FARS2: variants seen among roughly 807,000 people sequenced by gnomAD.
FARS2 encodes phenylalanine--tRNA ligase, mitochondrial.
A neutral mutation model predicts 46.4 loss-of-function variants in FARS2; 40 were observed. That is an observed-to-expected ratio of 0.86 (90% CI 0.67 to 1.12). The LOEUF is 1.12. Among genes scored for constraint, FARS2 ranks in the 50% most tolerant of loss-of-function variants. The pLI is 0.00. For synonymous variants in FARS2, 234 were observed against 214.9 expected, an observed-to-expected ratio of 1.09 and a Z score of -0.78; for missense variants, 513 against 567.9, an observed-to-expected ratio of 0.90 and a Z score of 0.98.
intron 6 of FARS2, among the ~76,000 whole-genome samples, chr6:5,617,538 C>T (rs1775540634): frequency 6.6e-6 from 1 of 152,234 alleles, no homozygotes; most frequent in Non-Finnish European, 1.5e-5. Context: ...TTTTTTAGCT[C>T]AGCAATTTTC....
intron 4 of FARS2, among the ~76,000 whole-genome samples, chr6:5,439,715 C>T (rs2326610): frequency 0.4 from 60,528 of 152,004 alleles, 12,716 homozygotes; most frequent in Non-Finnish European, 0.46. Flanking sequence ...GTATTGGCTC[C>T]ACTTGTCTAT....
At chr6:5,359,479 C>CAAAAG in intron 1 of FARS2, among the ~76,000 whole-genome samples, 1 of 152,296 alleles carries the variant, frequency 6.6e-6, no homozygotes, top group African/African-American at 2.4e-5. Flanking sequence ...GTAGCTATTA[C>CAAAAG]AAAAGAAGAC....
intron 6 of FARS2, among the ~76,000 whole-genome samples, chr6:5,673,920 ATGG>A (rs1223854278): frequency 6.6e-6 from 1 of 152,124 alleles, no homozygotes; most frequent in Admixed American, 6.5e-5. Flanking sequence ...TCCTCTCTGG[ATGG>A]TAGGTTTATG....
At chr6:5,657,629 T>G (rs573697124) in intron 6 of FARS2, among the ~76,000 whole-genome samples, 32 of 152,332 alleles carry the variant, frequency 2.1e-4, no homozygotes, top group African/African-American at 7.2e-4. Context: ...TCTTGGTTTA[T>G]AAGTGCTCCA....
chr6:5,687,391 G>A (rs1192994590), intron 6 of FARS2, among the ~76,000 whole-genome samples: 7 of 152,134 alleles, frequency 4.6e-5, no homozygotes, highest in African/African-American at 1.7e-4. Context: ...TGTAAGAAAG[G>A]GATCCAGTTT....
chr6:5,549,609 T>C (rs1177916795), intron 5 of FARS2, among the ~76,000 whole-genome samples: 1 of 152,220 alleles, frequency 6.6e-6, no homozygotes, highest in East Asian at 1.9e-4. Flanking sequence ...TATCAAGCCT[T>C]GCTGGGTAAT....
intron 5 of FARS2, among the ~76,000 whole-genome samples, chr6:5,603,442 C>T (rs991052224): frequency 1.3e-5 from 2 of 152,170 alleles, no homozygotes; most frequent in Non-Finnish European, 2.9e-5. Context: ...TTTAGTAGGG[C>T]GGTCATAAAC....
rs1766888382 is a variant in FARS2 at position 5,488,108 on chromosome 6, G to GTGCCCTGGAGTTCATCTTT, written c.904+56940_904+56958dup. ...TCCTTGGATAAATGTGTTTTCTCCT[G>GTGCCCTGGAGTTCATCTTT]TGCCCTGGAGTTCATCTTTTGCTTT... On this transcript the variant is annotated intron_variant, in intron 4 of 6. Transcript: ENST00000274680. 2.0e-5 allele frequency among the ~76,000 whole-genome samples: 3 copies of GTGCCCTGGAGTTCATCTTT among 152,248 alleles called. No individual in the cohort carries two copies. The East Asian group carries it at 5.8e-4, about 29-fold the overall frequency.
chr6:5,311,703 C>T lies in FARS2; in HGVS notation c.-22+50043C>T, dbSNP rs1005448652. Among the ~76,000 whole-genome samples the T allele has an allele frequency of 3.9e-5, 6 of 152,222 alleles. No individual in the cohort carries two copies. The highest frequency in any genetic ancestry group is 8.8e-5 in the Non-Finnish European group (6 of 68,014). Reference sequence around the variant, plus strand: ...TTTTTGACCTGGGTGTCTTATTTAGCTAAGACTAGGACCATGTGCTCTTTT... The same window carrying T: ...TTTTTGACCTGGGTGTCTTATTTAGTTAAGACTAGGACCATGTGCTCTTTT... On this transcript the variant is annotated intron_variant, in intron 1 of 6. Transcript: ENST00000274680. This position sits in a 1 kb window ranked among gnomAD's most constrained non-coding sequence, Gnocchi z 4.1.
intron 1 of FARS2, among the ~76,000 whole-genome samples, chr6:5,284,393 G>A (rs1766967672): frequency 6.6e-6 from 1 of 152,128 alleles, no homozygotes; most frequent in Non-Finnish European, 1.5e-5. Context: ...GGAGCTGATG[G>A]TATGCTGTTT....
the FARS2 span, among the ~76,000 whole-genome samples, chr6:5,251,828 T>C: frequency 1.3e-5 from 2 of 152,208 alleles, no homozygotes; most frequent in Non-Finnish European, 2.9e-5. Flanking sequence ...GGAAAACATG[T>C]GAAAGAAATC....
chr6:5,517,633 C>CATAT (rs1030179688), intron 4 of FARS2, among the ~76,000 whole-genome samples: 16 of 150,542 alleles, frequency 1.1e-4, no homozygotes, highest in African/African-American at 3.7e-4. Flanking sequence ...AAAGTATAGA[C>CATAT]ATATATATAC....
chr6:5,364,087 GTGTCAGTGAATGACTT>G (rs1758493758), intron 1 of FARS2, among the ~76,000 whole-genome samples: 1 of 152,140 alleles, frequency 6.6e-6, no homozygotes, highest in African/African-American at 2.4e-5. Context: ...TGAGTTCTCT[GTGTCAGTGAATGACTT>G]TATTAGTTCA....
chr6:5,544,164 C>T (rs1770808549), intron 4 of FARS2, among the ~76,000 whole-genome samples: 1 of 152,168 alleles, frequency 6.6e-6, no homozygotes, highest in South Asian at 2.1e-4. Flanking sequence ...CTCTGAGCTC[C>T]TTTAGGACTT....
intron 1 of FARS2, among the ~76,000 whole-genome samples, chr6:5,365,288 C>G (rs1011447127): frequency 1.6e-5 from 2 of 125,648 alleles, no homozygotes; most frequent in African/African-American, 6.1e-5. Flanking sequence ...ACTTAACAAT[C>G]TTGGACCTTT....
intron 5 of FARS2, among the ~76,000 whole-genome samples, chr6:5,558,152 T>C (rs1486535060): frequency 2.6e-5 from 4 of 152,164 alleles, no homozygotes; most frequent in African/African-American, 4.8e-5. Context: ...AATGTAGTTT[T>C]TCTGTGTCGT....
chr6:5,325,663 G>A (rs1225041837), intron 1 of FARS2, among the ~76,000 whole-genome samples: 1 of 152,126 alleles, frequency 6.6e-6, no homozygotes, highest in Non-Finnish European at 1.5e-5. Context: ...AAAAAATGGT[G>A]TACTTGTTTA....
At chr6:5,436,006 G>A (rs186236308) in intron 4 of FARS2, among the ~76,000 whole-genome samples, 13 of 152,004 alleles carry the variant, frequency 8.6e-5, no homozygotes, top group East Asian at 7.7e-4. Context: ...AGGCTATAGC[G>A]AAGTGAATCA....
chr6:5,588,284 C>A (rs1773728712), intron 5 of FARS2, among the ~76,000 whole-genome samples: 1 of 152,076 alleles, frequency 6.6e-6, no homozygotes, highest in Non-Finnish European at 1.5e-5. Flanking sequence ...CAGGGCATTG[C>A]CAGCCTCTTC....
Sources: gnomAD v4.1 joint callset for allele counts (sites outside exome capture counted in the v4.1 genomes callset) on GRCh38, gnomAD v4.1.1 for gene constraint, Gnocchi (gnomAD v3.1) non-coding constraint, MANE v1.5 for transcripts, NCBI Gene and HGNC (gene_info 2026-07-23, HGNC 2026-07-21) for gene names.